The following KIAA0319 variants were observed in gnomAD, a reference collection of about 807,000 sequenced individuals.
KIAA0319 encodes KIAA0319.
Under a neutral mutation model 108.4 loss-of-function variants are expected in KIAA0319, and 83 were observed. That is an observed-to-expected ratio of 0.77 (90% CI 0.64 to 0.92). The LOEUF is 0.92. KIAA0319 is among the 40% of genes least tolerant of loss of function. The probability of loss-of-function intolerance (pLI) is 0.00; values close to 1 mark genes in which losing one functional copy is unlikely to be tolerated. For synonymous variants in KIAA0319, 484 were observed against 510.4 expected, an observed-to-expected ratio of 0.95 and a Z score of 0.70; for missense variants, 1,195 against 1,322.4, an observed-to-expected ratio of 0.90 and a Z score of 1.49.
At chr6:24,584,162 T>C (rs1388151220) in intron 4 of KIAA0319, among the ~76,000 whole-genome samples, 1 of 152,140 alleles carries the variant, frequency 6.6e-6, no homozygotes, top group Non-Finnish European at 1.5e-5. Context: ...TTACTGCTAA[T>C]GGCCTTGTAC....
intron 4 of KIAA0319, among the ~76,000 whole-genome samples, chr6:24,584,138 A>G (rs2817200): frequency 0.35 from 52,783 of 151,930 alleles, 9,583 homozygotes; most frequent in Non-Finnish European, 0.39. Context: ...CAGTTCTGAT[A>G]GTAGCCTCAT....
intron 1 of KIAA0319, among the ~76,000 whole-genome samples, chr6:24,643,848 T>C (rs1371550424): frequency 6.6e-6 from 1 of 152,232 alleles, no homozygotes; most frequent in Non-Finnish European, 1.5e-5. Context: ...GGTCCCATTG[T>C]TATCTCTATT....
intron 19 of KIAA0319, among the ~76,000 whole-genome samples, chr6:24,552,687 C>T (rs1581881313): frequency 6.6e-6 from 1 of 152,242 alleles, no homozygotes; most frequent in East Asian, 1.9e-4. Context: ...CTCACTGCAA[C>T]CTCTTCCTCC....
At chr6:24,542,881 A>C (rs182464740), downstream of KIAA0319, among the ~76,000 whole-genome samples, 1 of 152,348 alleles carries the variant, frequency 6.6e-6, no homozygotes, top group East Asian at 1.9e-4. Flanking sequence ...CAGATGTATC[A>C]ACCAACCAGG....
At chr6:24,549,307 T>C (rs538500160) in intron 20 of KIAA0319, among the ~76,000 whole-genome samples, 29 of 121,324 alleles carry the variant, frequency 2.4e-4, no homozygotes, top group South Asian at 1.3e-3. Flanking sequence ...GTCTGGGGGA[T>C]AGAGCAAGAC....
At chr6:24,547,946 T>A (rs1366219944) in intron 20 of KIAA0319, among the ~76,000 whole-genome samples, 3 of 151,944 alleles carry the variant, frequency 2.0e-5, no homozygotes, top group Non-Finnish European at 2.9e-5. Context: ...GGTGGGAGGA[T>A]CACTTGAGGC....
At chr6:24,542,106 G>A (rs545238157), downstream of KIAA0319, among the ~76,000 whole-genome samples, 17 of 152,064 alleles carry the variant, frequency 1.1e-4, no homozygotes, top group East Asian at 9.7e-4. Flanking sequence ...GCACCACTGC[G>A]CTCCAGCCTG....
intron 2 of KIAA0319, chr6:24,600,584 GTCATATCACCACCC>G (rs1441357361): frequency 6.4e-6 from 7 of 1,101,118 alleles, no homozygotes; most frequent in Middle Eastern, 1.9e-4. Flanking sequence ...AGTTTTTCTA[GTCATATCACCACCC>G]TCAATCCTTG....
downstream of KIAA0319, among the ~76,000 whole-genome samples, chr6:24,540,287 A>G (rs1287686081): frequency 6.6e-6 from 1 of 152,236 alleles, no homozygotes; most frequent in African/African-American, 2.4e-5. Flanking sequence ...AGGTTTGTTT[A>G]CACCAGCATC....
At chr6:24,610,713 G>A (rs1262837583) in intron 1 of KIAA0319, among the ~76,000 whole-genome samples, 5 of 151,906 alleles carry the variant, frequency 3.3e-5, no homozygotes, top group Non-Finnish European at 5.9e-5. Flanking sequence ...TTGAGCCCAC[G>A]AGTTTGTGAC....
At chr6:24,568,161 C>T (rs1003869833) in intron 13 of KIAA0319, among the ~76,000 whole-genome samples, 1 of 152,150 alleles carries the variant, frequency 6.6e-6, no homozygotes, top group Non-Finnish European at 1.5e-5. Flanking sequence ...CACACTCTTG[C>T]CATTCTACAA....
At position 24,616,214 on chromosome 6, in the gene KIAA0319, TTAA is replaced by T. The variant is rs573250286; in HGVS notation, c.-105-15009_-105-15007del. Reference sequence around the variant, plus strand: ...AATTGAGGATATTTTTAAAACCCAATTAATAATGTAAAACATCCAGTATGATCC... The same window carrying T: ...AATTGAGGATATTTTTAAAACCCAATTAATGTAAAACATCCAGTATGATCC... On this transcript the variant is annotated intron_variant, in intron 1 of 20. Coordinates refer to ENST00000378214, the MANE Select transcript of KIAA0319 (RefSeq NM_014809.4). Among the ~76,000 whole-genome samples the T allele has an allele frequency of 1.2e-4, 18 of 152,340 alleles. No homozygotes were observed. In the South Asian group the frequency reaches 3.5e-3, roughly 30 times the overall value.
intron 11 of KIAA0319, among the ~76,000 whole-genome samples, chr6:24,571,723 C>G (rs1764754432): frequency 6.6e-6 from 1 of 152,240 alleles, no homozygotes; most frequent in South Asian, 2.1e-4. Flanking sequence ...ACTGTTCCCT[C>G]TGCCTAAGAA....
intron 13 of KIAA0319, among the ~76,000 whole-genome samples, chr6:24,567,105 G>A (rs1464962481): frequency 1.3e-5 from 2 of 152,018 alleles, no homozygotes; most frequent in Non-Finnish European, 2.9e-5. Flanking sequence ...AATATACTTT[G>A]GGTCATTTTG....
intron 1 of KIAA0319, among the ~76,000 whole-genome samples, chr6:24,611,124 T>G (rs1331295951): frequency 6.6e-6 from 1 of 151,668 alleles, no homozygotes; most frequent in African/African-American, 2.4e-5. Context: ...TGTTCAGGGT[T>G]GGGAGATTGG....
At chr6:24,630,037 G>A (rs552474885) in intron 1 of KIAA0319, among the ~76,000 whole-genome samples, 1 of 152,150 alleles carries the variant, frequency 6.6e-6, no homozygotes, top group East Asian at 1.9e-4. Flanking sequence ...AAATTAGCCG[G>A]GCATGGTGGC....
intron 1 of KIAA0319, among the ~76,000 whole-genome samples, chr6:24,624,249 C>T (rs1774404996): frequency 6.8e-6 from 1 of 147,688 alleles, no homozygotes; most frequent in Admixed American, 6.8e-5. Context: ...ATCATATTGC[C>T]CAGGCTGGTC....
chr6:24,565,749 T>A (rs1763814900), intron 14 of KIAA0319, among the ~76,000 whole-genome samples: 2 of 92,630 alleles, frequency 2.2e-5, no homozygotes, highest in Non-Finnish European at 3.8e-5. Context: ...TGAGACTCCA[T>A]CTCAAAAAAA....
intron 1 of KIAA0319, among the ~76,000 whole-genome samples, chr6:24,609,058 A>G (rs1274050787): frequency 6.6e-6 from 1 of 150,582 alleles, no homozygotes; most frequent in Non-Finnish European, 1.5e-5. Context: ...GCTTGAGCTC[A>G]GGAGTTAGAA....
Sources: allele counts gnomAD v4.1 joint callset (sites outside exome capture counted in the v4.1 genomes callset), GRCh38; gene constraint gnomAD v4.1.1; transcripts MANE v1.5; gene names NCBI Gene and HGNC (gene_info 2026-07-23, HGNC 2026-07-21).